The following PCM1 variants were observed in gnomAD, a reference collection of about 807,000 sequenced individuals.
PCM1 encodes pericentriolar material 1 protein.
PCM1 carries 157 observed loss-of-function variants against 241.9 expected under a neutral mutation model. The ratio of observed to expected loss-of-function variants is 0.65; its 90% CI spans 0.57 to 0.74. The LOEUF (loss-of-function observed/expected upper bound fraction) is 0.74. Among genes scored for constraint, PCM1 ranks in the 30% least tolerant of loss-of-function variants. The probability of loss-of-function intolerance (pLI) is 0.00; values close to 1 mark genes in which losing one functional copy is unlikely to be tolerated. For missense variants in PCM1, 3,478 were observed against 2,360.1 expected, an observed-to-expected ratio of 1.47 and a Z score of -9.81; for synonymous variants, 1,085 against 784.9, an observed-to-expected ratio of 1.38 and a Z score of -6.39.
chr8:17,988,441 C>T lies in PCM1; in HGVS notation c.4411-1418C>T, dbSNP rs115202356. Among the ~76,000 whole-genome samples the T allele has an allele frequency of 3.3e-3, 506 of 151,818 alleles. 6 individuals are homozygous for T. Among genetic ancestry groups the T allele is most frequent in the African/African-American group, 0.012 (491 of 41,496 alleles). On this transcript the variant is annotated intron_variant, in intron 26 of 38. Coordinates refer to ENST00000325083, the MANE Select transcript of PCM1 (RefSeq NM_006197.4). ...ACCTAAAGTCGTGTAAAAGCCAACACTATTAAAACTTTTAAAAGAAAATGG... is the reference window on the plus strand; with the variant it reads ...ACCTAAAGTCGTGTAAAAGCCAACATTATTAAAACTTTTAAAAGAAAATGG...
chr8:17,980,808 G>A (rs1255899765), intron 24 of PCM1, 53 bp downstream of exon 24: 7 of 1,391,568 alleles, frequency 5.0e-6, no homozygotes, highest in Admixed American at 1.9e-5. Context: ...GCTTAGATTT[G>A]AAAAGCTATA....
Position 18,014,853 on chromosome 8 carries a change from T to C in PCM1, c.5841+13T>C, listed in dbSNP as rs2092968408. 18 of 1,558,368 alleles carry C rather than the reference T, an allele frequency of 1.2e-5. No homozygotes were observed. Among genetic ancestry groups the C allele is most frequent in the Non-Finnish European group, 1.6e-5 (18 of 1,153,586 alleles). ...AGTGAATGACTATGTATGTATCATT[T>C]ACATTTCCAAATATTTTTACTTTTC... On this transcript the variant is annotated intron_variant, in intron 36 of 38. Coordinates refer to ENST00000325083, the MANE Select transcript of PCM1 (RefSeq NM_006197.4).
intron 30 of PCM1, among the ~76,000 whole-genome samples, chr8:18,007,375 T>C (rs998106498): frequency 6.6e-6 from 1 of 152,244 alleles, no homozygotes; most frequent in Admixed American, 6.5e-5. Context: ...CAAATTGTCC[T>C]GGCCCCGTTA....
At chr8:17,959,093 G>T (rs2070315475) in intron 13 of PCM1, among the ~76,000 whole-genome samples, 1 of 152,038 alleles carries the variant, frequency 6.6e-6, no homozygotes, top group Non-Finnish European at 1.5e-5. Context: ...TTTCTCTGCA[G>T]TTAGGTACAT....
chr8:17,941,538 TTTTA>T (rs1265609034), intron 6 of PCM1, among the ~76,000 whole-genome samples: 2,504 of 149,504 alleles, frequency 0.017, 39 homozygotes, highest in South Asian at 0.044. Context: ...TTTTTTTTTT[TTTTA>T]AAAAAAAGGT....
At chr8:17,983,227 C>T (rs1378355197) in intron 24 of PCM1, 1 of 1,316,684 alleles carries the variant, frequency 7.6e-7, no homozygotes, top group Non-Finnish European at 1.0e-6. Flanking sequence ...CTGCCCTTTC[C>T]TACAGCACAT....
At chr8:17,937,955 C>G (rs1342909399) in intron 4 of PCM1, among the ~76,000 whole-genome samples, 1 of 152,108 alleles carries the variant, frequency 6.6e-6, no homozygotes, top group African/African-American at 2.4e-5. Flanking sequence ...TTATTTATAT[C>G]TATTTATCAA....
chr8:17,997,255 C>A (rs1412130138), intron 29 of PCM1, among the ~76,000 whole-genome samples: 1 of 152,114 alleles, frequency 6.6e-6, no homozygotes, highest in Non-Finnish European at 1.5e-5. Context: ...AAGTCTACTG[C>A]CAGATATATT....
In PCM1 at chr8:17,953,156, C is replaced by T. The variant is rs1480630507; in HGVS notation, c.1258C>T (p.Leu420Phe). 3 of 1,578,274 alleles carry T rather than the reference C, an allele frequency of 1.9e-6. No homozygotes were observed. Residue 420 changes from leucine to phenylalanine, a missense_variant, in exon 9 of 39, where the codon CTT becomes TTT. Transcript: ENST00000325083. ...MDKLLGELHT[L>F]RDQHLNNSSS... is the part of the protein sequence containing the mutation. Reference sequence around the variant, plus strand: ...CAAATTGCTTGGAGAACTTCATACACTTCGAGATCAGCATCTTAACAATTC... The same window carrying T: ...CAAATTGCTTGGAGAACTTCATACATTTCGAGATCAGCATCTTAACAATTC...
At chr8:17,999,476 TG>T (rs1254230801) in intron 29 of PCM1, among the ~76,000 whole-genome samples, 7 of 152,116 alleles carry the variant, frequency 4.6e-5, no homozygotes, top group African/African-American at 1.7e-4. Context: ...GGGCCTGGAA[TG>T]GCGACCTCAC....
rs769832857 is a variant in PCM1 at position 17,953,108 on chromosome 8, C to G, written c.1210C>G (p.Gln404Glu). ...ACTTTTTAGCAAAATGAGAGTGCTA[C>G]AGGAAAAGAAACAAAAAATGGACAA... ...VELFSKMRVL[Q>E]EKKQKMDKLL... is the part of the protein sequence containing the mutation. Residue 404 changes from glutamine (Q) to glutamate (E), a missense_variant, in exon 9 of 39, where the codon CAG (glutamine) becomes GAG (glutamate). Coordinates refer to ENST00000325083, the MANE Select transcript of PCM1 (RefSeq NM_006197.4). The G allele has an allele frequency of 1.9e-6, 3 of 1,598,790 alleles. No homozygotes were observed. The highest frequency in any genetic ancestry group is 4.5e-5 in the East Asian group (2 of 44,514).
At chr8:17,936,093 C>A (rs1189864002) in intron 3 of PCM1, among the ~76,000 whole-genome samples, 3 of 152,160 alleles carry the variant, frequency 2.0e-5, no homozygotes, top group Non-Finnish European at 4.4e-5. Flanking sequence ...CTCCTCTGGT[C>A]CATGTGATAT....
rs767175249 is a variant in PCM1 at position 18,006,222 on chromosome 8, A to G, written c.4828-41A>G. 4 of 1,486,402 alleles carry G rather than the reference A, an allele frequency of 2.7e-6. No individual in the cohort carries two copies. The South Asian group carries it at 3.9e-5, about 14-fold the overall frequency. The allele number at this position is 1,486,402 out of a possible 1,614,324, so 92.1% of individuals were successfully genotyped here. On this transcript the variant is annotated intron_variant, in intron 29 of 38. Transcript: ENST00000325083. ...TGGATTGATTTTCTTTTTTTAAACA[A>G]TAGGTAAGTTTATATTCTAACCAAC... is the stretch of plus-strand genomic sequence containing the variant.
rs142475808 is a variant in PCM1 at position 18,003,766 on chromosome 8, T to C, written c.4828-2497T>C. On this transcript the variant is annotated intron_variant, in intron 29 of 38. Coordinates refer to ENST00000325083, the MANE Select transcript of PCM1 (RefSeq NM_006197.4). ...TTCCTGTTACTTATAAATATATGTA[T>C]ATATTTACCTTCCATAAAAGAATAT... 1.8e-4 allele frequency among the ~76,000 whole-genome samples: 27 copies of C among 152,224 alleles called. No homozygotes were observed. In the East Asian group the frequency reaches 4.6e-3, roughly 26 times the overall value.
chr8:17,935,987 A>T (rs1243265358), intron 3 of PCM1, among the ~76,000 whole-genome samples: 1 of 152,142 alleles, frequency 6.6e-6, no homozygotes, highest in Non-Finnish European at 1.5e-5. Flanking sequence ...TTGGAGAAGG[A>T]ATTGGGAAAT....
chr8:18,011,607 G>A (rs1221095927), intron 33 of PCM1, 60 bp from the exon 34 acceptor site: 4 of 1,434,386 alleles, frequency 2.8e-6, no homozygotes, highest in Non-Finnish European at 9.5e-7. Context: ...GCAGTAAGTG[G>A]TAGCTATTGT....
intron 10 of PCM1, among the ~76,000 whole-genome samples, chr8:17,956,237 G>C (rs1024673723): frequency 1.3e-5 from 2 of 152,172 alleles, no homozygotes; most frequent in African/African-American, 4.8e-5. Flanking sequence ...CTGTATACCT[G>C]ATTTTCCTGA....
chr8:18,013,505 A>ACTACCACCACC (rs2092768388), intron 34 of PCM1, among the ~76,000 whole-genome samples: 1 of 152,202 alleles, frequency 6.6e-6, no homozygotes, highest in Non-Finnish European at 1.5e-5. Context: ...GTTTTAAACA[A>ACTACCACCACC]CTACCACCAC....
chr8:18,018,233 G>C (rs1283247215), intron 36 of PCM1, among the ~76,000 whole-genome samples: 1 of 152,182 alleles, frequency 6.6e-6, no homozygotes, highest in South Asian at 2.1e-4. Context: ...AGAGCTTCCT[G>C]ACCCTTCTAA....
Sources: gnomAD v4.1 joint callset for allele counts (sites outside exome capture counted in the v4.1 genomes callset) on GRCh38, gnomAD v4.1.1 for gene constraint, MANE v1.5 for transcripts, NCBI Gene and HGNC (gene_info 2026-07-23, HGNC 2026-07-21) for gene names.